DYNC2H1: variants seen among roughly 807,000 people sequenced by gnomAD.
The protein encoded by DYNC2H1 is dynein cytoplasmic 2 heavy chain 1.
In DYNC2H1, 410 loss-of-function variants were observed where a neutral mutation model predicts 570.0. The observed-to-expected ratio is 0.72, with a 90% CI of 0.66 to 0.78. The LOEUF is 0.78. Ranked by LOEUF, DYNC2H1 falls within the 30% of genes least tolerant of loss-of-function variation. The probability of loss-of-function intolerance (pLI) is 0.00; values close to 1 mark genes in which losing one functional copy is unlikely to be tolerated. For missense variants in DYNC2H1, 4,865 were observed against 5,046.4 expected (o/e 0.96, Z 1.09); for synonymous variants, 1,688 against 1,677.6 (o/e 1.01, Z -0.15).
intron 82 of DYNC2H1, among the ~76,000 whole-genome samples, chr11:103,331,819 T>C (rs903532409): frequency 2.6e-5 from 4 of 152,160 alleles, no homozygotes; most frequent in Admixed American, 6.5e-5. Context: ...CCCAGCACTT[T>C]GGGAGGCTGA....
intron 59 of DYNC2H1, among the ~76,000 whole-genome samples, chr11:103,224,956 G>A (rs903861067): frequency 9.9e-5 from 15 of 152,110 alleles, no homozygotes; most frequent in Non-Finnish European, 1.5e-4. Context: ...GCAAGAGTGA[G>A]GTGGTACTGG....
Position 103,304,675 on chromosome 11 carries a change from G to A in DYNC2H1, c.11337G>A (p.Leu3779=). 1.2e-6 allele frequency: 2 copies of A among 1,613,286 alleles called. No homozygotes were observed. Among genetic ancestry groups the A allele is most frequent in the Non-Finnish European group, 1.7e-6 (2 of 1,179,460 alleles). The part of the protein sequence containing the change: ...ECARNGDWLC[L]KNLHLVVSWL... ...CCCGCAATGGAGACTGGCTCTGTTT[G>A]AAGAACTTACATCTTGTGGTATCTT... Residue 3779 remains leucine, a synonymous_variant, in exon 77 of 89, where the codon TTG becomes TTA. Coordinates refer to ENST00000375735, the MANE Select transcript of DYNC2H1 (RefSeq NM_001377.3).
intron 54 of DYNC2H1, among the ~76,000 whole-genome samples, chr11:103,212,578 A>G (rs560322774): frequency 4.6e-5 from 7 of 152,070 alleles, no homozygotes; most frequent in Non-Finnish European, 8.8e-5. Context: ...ATGTCACCTC[A>G]CTTAGTACAT....
intron 76 of DYNC2H1, 35 bp from the exon 77 acceptor site, chr11:103,304,560 G>A: frequency 6.3e-7 from 1 of 1,598,972 alleles, no homozygotes; most frequent in Non-Finnish European, 8.5e-7. Flanking sequence ...TAGCAGATCT[G>A]TTTTTAAATT....
At chr11:103,281,441 G>T (rs1866128047) in intron 71 of DYNC2H1, among the ~76,000 whole-genome samples, 1 of 152,124 alleles carries the variant, frequency 6.6e-6, no homozygotes, top group Admixed American at 6.5e-5. Context: ...CTCACATAAT[G>T]TAGTAGTAAT....
chr11:103,136,740 C>T (rs1306928229), intron 17 of DYNC2H1, among the ~76,000 whole-genome samples: 2 of 151,990 alleles, frequency 1.3e-5, no homozygotes, highest in Non-Finnish European at 1.5e-5. Flanking sequence ...GGTATATACC[C>T]AGTAATGGGA....
intron 87 of DYNC2H1, among the ~76,000 whole-genome samples, chr11:103,464,617 C>T (rs560284236): frequency 2.6e-5 from 4 of 152,162 alleles, no homozygotes; most frequent in African/African-American, 9.6e-5. Context: ...ATGTTGACAG[C>T]GGACTTCTCA....
chr11:103,147,712 A>T (rs1379946951), intron 18 of DYNC2H1, 60 bp from the exon 19 acceptor site: 2 of 967,276 alleles, frequency 2.1e-6, no homozygotes, highest in Non-Finnish European at 3.2e-6. Flanking sequence ...ATATTATATG[A>T]GACTCTTTTC....
chr11:103,293,837 G>A (rs12362213), intron 75 of DYNC2H1, among the ~76,000 whole-genome samples: 8,014 of 152,138 alleles, frequency 0.053, 266 homozygotes, highest in South Asian at 0.096. Context: ...AGCACTTTGG[G>A]AGGCCGAGTT....
intron 31 of DYNC2H1, among the ~76,000 whole-genome samples, chr11:103,166,990 C>CTTTTTTTTTTTTTTTTTTTTTTT (rs34816989): frequency 7.0e-5 from 4 of 56,992 alleles, no homozygotes; most frequent in South Asian, 1.0e-3. Flanking sequence ...GAGGCGCTGC[C>CTTTTTTTTTTTTTTTTTTTTTTT]TTTTTTTTTT....
In DYNC2H1 at chr11:103,324,733, TG is replaced by T. The variant is rs1938382343; in HGVS notation, c.12039+746del. ...ATTCCTTTGAGTATATACCCAATAA[TG>T]GGATTTCTGGGTCAAATGGTAGTTC... On this transcript the variant is annotated intron_variant, in intron 82 of 88. Coordinates refer to ENST00000375735, the MANE Select transcript of DYNC2H1 (RefSeq NM_001377.3). The surrounding 1 kb of genome is among the most constrained non-coding windows in gnomAD (Gnocchi z 5.2). Among the ~76,000 whole-genome samples the T allele has an allele frequency of 6.6e-6, 1 of 152,186 alleles. No individual in the cohort carries two copies. Among genetic ancestry groups the T allele is most frequent in the African/African-American group, 2.4e-5 (1 of 41,450 alleles).
At position 103,148,563 on chromosome 11, in the gene DYNC2H1, A is replaced by G; in HGVS notation, c.2892A>G (p.Glu964=). The part of the protein sequence containing the change: ...EVLTIMPQSV[E]EIGDANLQYS... ...TAACAATTATGCCCCAGTCTGTGGA[A>G]GAAATTGGTGATGCAAATCTACAAT... is the stretch of plus-strand genomic sequence containing the variant. The change falls in exon 20 of 89, where the codon GAA becomes GAG. Residue 964 remains glutamate, a synonymous_variant. Coordinates refer to ENST00000375735, the MANE Select transcript of DYNC2H1 (RefSeq NM_001377.3). The G allele has an allele frequency of 1.3e-6, 2 of 1,570,240 alleles. No homozygotes were observed. Among genetic ancestry groups the G allele is most frequent in the Non-Finnish European group, 1.7e-6 (2 of 1,156,072 alleles).
At chr11:103,318,643 G>C (rs1937995669) in intron 80 of DYNC2H1, among the ~76,000 whole-genome samples, 1 of 152,068 alleles carries the variant, frequency 6.6e-6, no homozygotes, top group South Asian at 2.1e-4. Context: ...TGTAGGAGTA[G>C]AATTGCTAGG....
chr11:103,186,453 A>T lies in DYNC2H1; in HGVS notation c.6845A>T (p.Asp2282Val). 3.7e-6 allele frequency: 6 copies of T among 1,612,454 alleles called. No homozygotes were observed. Among genetic ancestry groups the T allele is most frequent in the Non-Finnish European group, 5.1e-6 (6 of 1,179,080 alleles). Residue 2282 changes from aspartate (D) to valine (V), a missense_variant, in exon 42 of 89, where the codon GAT becomes GTT. Physicochemically the swap from Asp to Val is radical, Grantham distance 152 (BLOSUM62 -3). Around this residue, in one of 5 missense-constraint regions of DYNC2H1, gnomAD observed 2,401 missense variants for 2,454.6 expected, o/e 0.98. Transcript: ENST00000375735. This position sits in a 1 kb window ranked among gnomAD's most constrained non-coding sequence, Gnocchi z 4.5. Reference sequence around the variant, plus strand: ...TATTTCAAACCATGGTTAAGTTCTGATACTAAACAGCCCTTTATTCTGGTA... The same window carrying T: ...TATTTCAAACCATGGTTAAGTTCTGTTACTAAACAGCCCTTTATTCTGGTA... ...LDYFKPWLSS[D>V]TKQPFILVGP...
rs1344610494 is a variant in DYNC2H1 at position 103,305,033 on chromosome 11, G to A, written c.11382+313G>A. ...TGCTCTTATTCTGTTGATCTGTATT[G>A]GGAGAAGAGACATAGTGGGGTGTCA... On this transcript the variant is annotated intron_variant, in intron 77 of 88. Transcript: ENST00000375735. The surrounding 1 kb of genome is among the most constrained non-coding windows in gnomAD (Gnocchi z 4.3). Among the ~76,000 whole-genome samples, 1 of 151,960 alleles carries A rather than the reference G, an allele frequency of 6.6e-6. No homozygotes were observed. The highest frequency in any genetic ancestry group is 1.5e-5 in the Non-Finnish European group (1 of 67,994).
Position 103,166,048 on chromosome 11 carries a change from G to A in DYNC2H1, c.4762G>A (p.Glu1588Lys). Residue 1588 changes from glutamate (E) to lysine (K), a missense_variant and splice_region_variant, in exon 31 of 89, where the codon GAA becomes AAA. Glu to Lys is a moderately conservative substitution (Grantham distance 56). Coordinates refer to ENST00000375735, the MANE Select transcript of DYNC2H1 (RefSeq NM_001377.3). ...DTSSEDPGNTESGILELKLKA... is the reference protein window; with the variant it reads ...DTSSEDPGNTKSGILELKLKA... ...AAGTTCTGAGGATCCAGGGAATACT[G>A]GTATGGAAAAGACATTCCCTTTTCT... 6.6e-7 allele frequency: 1 copy of A among 1,510,788 alleles called. No individual in the cohort carries two copies. The highest frequency in any genetic ancestry group is 8.9e-7 in the Non-Finnish European group (1 of 1,128,350). The allele number at this position is 1,510,788 out of a possible 1,614,324, so 93.6% of individuals were successfully genotyped here.
rs1375541642 is a variant in DYNC2H1, at chr11:103,196,466, A to C, written c.7709-1467A>C. On this transcript the variant is annotated intron_variant, in intron 47 of 88. Transcript: ENST00000375735. The stretch of plus-strand genomic sequence containing the variant: ...TCAATAGGTAAGTATTGAGCCAATG[A>C]ATGCATGAATTATATGTCTGTTAAG... Among the ~76,000 whole-genome samples the C allele has an allele frequency of 2.6e-5, 4 of 152,176 alleles. No homozygotes were observed. The East Asian group carries it at 7.7e-4, about 29-fold the overall frequency.
intron 84 of DYNC2H1, among the ~76,000 whole-genome samples, chr11:103,423,888 A>G (rs561512576): frequency 7.9e-5 from 12 of 152,226 alleles, no homozygotes; most frequent in African/African-American, 2.6e-4. Flanking sequence ...GTATTTCTGT[A>G]TAATAGCAAT....
intron 15 of DYNC2H1, among the ~76,000 whole-genome samples, chr11:103,134,937 C>G (rs1161099969): frequency 6.6e-6 from 1 of 152,048 alleles, no homozygotes; most frequent in Admixed American, 6.6e-5. Context: ...AGATGTCTCA[C>G]ACATTTACAT....
Sources: allele counts gnomAD v4.1 joint callset (sites outside exome capture counted in the v4.1 genomes callset), GRCh38; gene constraint gnomAD v4.1.1; regional missense constraint gnomAD v4.1.1; non-coding constraint Gnocchi (gnomAD v3.1); transcripts MANE v1.5; gene names NCBI Gene and HGNC (gene_info 2026-07-23, HGNC 2026-07-21).